The following DAZAP1 variants were observed in gnomAD, a reference collection of about 807,000 sequenced individuals.
DAZAP1 encodes the protein DAZ-associated protein 1.
In DAZAP1, 6 loss-of-function variants were observed where a neutral mutation model predicts 60.1. The ratio of observed to expected loss-of-function variants is 0.10; its 90% CI spans 0.05 to 0.20. The LOEUF is 0.20. DAZAP1 is among the 10% of genes least tolerant of loss of function. The pLI, the probability that DAZAP1 is intolerant of heterozygous loss-of-function variation, is 1.00. For missense variants in DAZAP1, 366 were observed against 560.4 expected, an observed-to-expected ratio of 0.65 and a Z score of 3.50; for synonymous variants, 235 against 215.9, an observed-to-expected ratio of 1.09 and a Z score of -0.78.
chr19:1,425,363 G>T lies in DAZAP1; in HGVS notation c.464-515G>T, dbSNP rs1333603695. ...GGGGAGAATCCTGGGTTTCAGAGAA[G>T]CATACACACATCCACGGTGCACACC... On this transcript the variant is annotated intron_variant, in intron 6 of 11. Transcript: ENST00000233078. This position sits in a 1 kb window ranked among gnomAD's most constrained non-coding sequence, Gnocchi z 5.4. 6.6e-6 allele frequency among the ~76,000 whole-genome samples: 1 copy of T among 152,222 alleles called. No homozygotes were observed. The highest frequency in any genetic ancestry group is 1.5e-5 in the Non-Finnish European group (1 of 68,036).
chr19:1,413,285 T>G (rs2082880585), intron 1 of DAZAP1, among the ~76,000 whole-genome samples: 2 of 152,232 alleles, frequency 1.3e-5, no homozygotes, highest in South Asian at 2.1e-4. Flanking sequence ...TTTACTTGTG[T>G]GAGAGTTGGT....
At position 1,422,538 on chromosome 19, in the gene DAZAP1, C is replaced by A. The variant is rs570295246; in HGVS notation, c.463+142C>A. ...ACGATTTGGAGACAAATGACTAAAA[C>A]GTGGGCTCCTCATGTGCACCCCATT... On this transcript the variant is annotated intron_variant, in intron 6 of 11. Transcript: ENST00000233078. This position sits in a 1 kb window ranked among gnomAD's most constrained non-coding sequence, Gnocchi z 4.5. 7 of 703,942 alleles carry A rather than the reference C, an allele frequency of 9.9e-6. No homozygotes were observed. The South Asian group carries it at 1.2e-4, about 12-fold the overall frequency. The allele number at this position is 703,942 out of a possible 1,614,324, so 43.6% of individuals were successfully genotyped here. A position where few individuals can be genotyped will look rare whatever the true frequency, so the allele number is the denominator to read the frequency against.
rs1420791582 is a variant in DAZAP1, at chr19:1,423,725, A to G, written c.463+1329A>G. Among the ~76,000 whole-genome samples, 1 of 152,220 alleles carries G rather than the reference A, an allele frequency of 6.6e-6. No individual in the cohort carries two copies. Among genetic ancestry groups the G allele is most frequent in the African/African-American group, 2.4e-5 (1 of 41,438 alleles). Reference sequence around the variant, plus strand: ...GTTTCATCACCGATGCTGTGTTCCAATACTGCCTCTGATCTTGGGAAACTT... The same window carrying G: ...GTTTCATCACCGATGCTGTGTTCCAGTACTGCCTCTGATCTTGGGAAACTT... On this transcript the variant is annotated intron_variant, in intron 6 of 11. Coordinates refer to ENST00000233078, the MANE Select transcript of DAZAP1 (RefSeq NM_018959.4). The surrounding 1 kb of genome is among the most constrained non-coding windows in gnomAD (Gnocchi z 6.8).
Position 1,432,912 on chromosome 19 carries a change from T to TA in DAZAP1, c.1048+223dup. On this transcript the variant is annotated intron_variant, in intron 11 of 11. Coordinates refer to ENST00000233078, the MANE Select transcript of DAZAP1 (RefSeq NM_018959.4). The surrounding 1 kb of genome is among the most constrained non-coding windows in gnomAD (Gnocchi z 4.9). ...TCTTGTCGCAGCAGAGCACTCGTCATACAGCAGGTGCTGCAGGGCCTGCAT... is the reference window on the plus strand; with the variant it reads ...TCTTGTCGCAGCAGAGCACTCGTCATAACAGCAGGTGCTGCAGGGCCTGCAT... The TA allele has an allele frequency of 5.3e-6, 3 of 565,502 alleles. No individual in the cohort carries two copies. Among genetic ancestry groups the TA allele is most frequent in the Non-Finnish European group, 6.2e-6 (2 of 321,826 alleles). 35.0% of individuals were successfully genotyped at this position (565,502 alleles called of 1,614,324 possible).
intron 4 of DAZAP1, among the ~76,000 whole-genome samples, chr19:1,419,131 G>T (rs2083073494): frequency 6.6e-6 from 1 of 152,202 alleles, no homozygotes; most frequent in Non-Finnish European, 1.5e-5. Flanking sequence ...CTCCACTTGA[G>T]ATCCCCTGAC....
In DAZAP1 at chr19:1,433,461, G is replaced by A. The variant is rs1021261962; in HGVS notation, c.1048+771G>A. On this transcript the variant is annotated intron_variant, in intron 11 of 11. Transcript: ENST00000233078. The surrounding 1 kb of genome is among the most constrained non-coding windows in gnomAD (Gnocchi z 6.1). Reference sequence around the variant, plus strand: ...GGGCTTCCGGGGTGCCTGTGAACACGCTTCCTCTAGGCCTGGTGGAGGCCG... The same window carrying A: ...GGGCTTCCGGGGTGCCTGTGAACACACTTCCTCTAGGCCTGGTGGAGGCCG... 4 of 468,368 alleles carry A rather than the reference G, an allele frequency of 8.5e-6. No homozygotes were observed. Among genetic ancestry groups the A allele is most frequent in the Non-Finnish European group, 1.6e-5 (4 of 257,636 alleles). The allele number at this position is 468,368 out of a possible 1,614,324, so 29.0% of individuals were successfully genotyped here. A position where few individuals can be genotyped will look rare whatever the true frequency, so the allele number is the denominator to read the frequency against.
Position 1,434,784 on chromosome 19 carries a change from C to T in DAZAP1, c.1096C>T (p.Pro366Ser), listed in dbSNP as rs1332109246. The T allele has an allele frequency of 1.2e-6, 2 of 1,612,986 alleles. No homozygotes were observed. Among genetic ancestry groups the T allele is most frequent in the East Asian group, 2.2e-5 (1 of 44,748 alleles). Residue 366 changes from proline (P) to serine (S), a missense_variant, in exon 12 of 12, where the codon CCC becomes TCC. Coordinates refer to ENST00000233078, the MANE Select transcript of DAZAP1 (RefSeq NM_018959.4). This position sits in a 1 kb window ranked among gnomAD's most constrained non-coding sequence, Gnocchi z 8.0. ...TGGCTTCGGACAGGGCTTCTCAGAC[C>T]CCAGCCAGCAGCCTCCTTCCTACGG... ...LSGFGQGFSD[P>S]SQQPPSYGGP... is the part of the protein sequence containing the mutation.
At position 1,418,989 on chromosome 19, in the gene DAZAP1, T is replaced by TCCCTCTGTG. The variant is rs2083069455; in HGVS notation, c.303+263_303+271dup. Among the ~76,000 whole-genome samples, 2 of 151,662 alleles carry TCCCTCTGTG rather than the reference T, an allele frequency of 1.3e-5. No homozygotes were observed. The highest frequency in any genetic ancestry group is 2.9e-5 in the Non-Finnish European group (2 of 67,914). On this transcript the variant is annotated intron_variant, in intron 4 of 11. Transcript: ENST00000233078. The surrounding 1 kb of genome is among the most constrained non-coding windows in gnomAD (Gnocchi z 5.7). ...ACTGATTATCAGGAGCCAGTCAGCT[T>TCCCTCTGTG]CCCTCTGTGCCCTGTGTGCCCTCTG...
intron 10 of DAZAP1, among the ~76,000 whole-genome samples, chr19:1,430,642 G>A (rs1159079940): frequency 6.6e-6 from 1 of 152,100 alleles, no homozygotes; most frequent in Non-Finnish European, 1.5e-5. Context: ...CTCCTCAGGA[G>A]ACAGAGCCTG....
At chr19:1,431,241 A>G (rs913704824) in intron 10 of DAZAP1, among the ~76,000 whole-genome samples, 12 of 145,572 alleles carry the variant, frequency 8.2e-5, no homozygotes, top group East Asian at 4.2e-4. Context: ...CCATTCTCCT[A>G]CCTCAGTCTC....
rs1249902268 is a variant in DAZAP1, at chr19:1,432,591, G to A, written c.949G>A (p.Gly317Arg). The change falls in exon 11 of 12, where the codon GGG becomes AGG. Residue 317 changes from glycine (G) to arginine (R), a missense_variant. By Grantham distance (125) the Gly-to-Arg change is moderately radical. Transcript: ENST00000233078. This position sits in a 1 kb window ranked among gnomAD's most constrained non-coding sequence, Gnocchi z 4.9. The part of the protein sequence containing the change: ...PGVPPPPATP[G>R]AAPLAFPPPP... Reference sequence around the variant, plus strand: ...GGTTCCTCCTCCACCAGCCACTCCCGGGGCAGCACCTCTGGCTTTCCCACC... The same window carrying A: ...GGTTCCTCCTCCACCAGCCACTCCCAGGGCAGCACCTCTGGCTTTCCCACC... 9 of 1,613,566 alleles carry A rather than the reference G, an allele frequency of 5.6e-6. No individual in the cohort carries two copies. The highest frequency in any genetic ancestry group is 2.7e-5 in the African/African-American group (2 of 74,880).
At position 1,418,413 on chromosome 19, in the gene DAZAP1, C is replaced by CTGT; in HGVS notation, c.237+44_237+46dup. 6.3e-7 allele frequency: 1 copy of CTGT among 1,599,906 alleles called. No homozygotes were observed. Among genetic ancestry groups the CTGT allele is most frequent in the Non-Finnish European group, 8.5e-7 (1 of 1,170,430 alleles). ...AGCTCACACCCGCTCTCTGTCTCCC[C>CTGT]TGTCCTTCCTCTGCTTCATTTTTTC... On this transcript the variant is annotated intron_variant, in intron 3 of 11. Coordinates refer to ENST00000233078, the MANE Select transcript of DAZAP1 (RefSeq NM_018959.4). This position sits in a 1 kb window ranked among gnomAD's most constrained non-coding sequence, Gnocchi z 5.7.
rs1205792833 is a variant in DAZAP1 at position 1,428,072 on chromosome 19, G to C, written c.547-770G>C. ...CGCCTAGAATAAGTAGGTCAGGCCT[G>C]CTCCATCCATTGTCCCCGGCCCCGC... On this transcript the variant is annotated intron_variant, in intron 7 of 11. Transcript: ENST00000233078. This position sits in a 1 kb window ranked among gnomAD's most constrained non-coding sequence, Gnocchi z 4.0. 2 of 152,194 alleles carry C rather than the reference G, an allele frequency of 1.3e-5. No homozygotes were observed. The highest frequency in any genetic ancestry group is 4.8e-5 in the African/African-American group (2 of 41,430). The allele number at this position is 152,194 out of a possible 1,614,324, so 9.4% of individuals were successfully genotyped here. A position where few individuals can be genotyped will look rare whatever the true frequency, so the allele number is the denominator to read the frequency against.
intron 1 of DAZAP1, among the ~76,000 whole-genome samples, chr19:1,413,152 A>G (rs1179444258): frequency 6.6e-6 from 1 of 152,186 alleles, no homozygotes; most frequent in East Asian, 1.9e-4. Flanking sequence ...CCGCCAGCCA[A>G]GGTGCAGGCT....
intron 9 of DAZAP1, 45 bp from the exon 10 acceptor site, chr19:1,430,172 CTGTGT>C: frequency 6.4e-7 from 1 of 1,566,596 alleles, no homozygotes. Flanking sequence ...TGTGGCCAGT[CTGTGT>C]TGTCCAGCGC....
chr19:1,413,393 G>C (rs2144723514), intron 1 of DAZAP1, among the ~76,000 whole-genome samples: 1 of 152,400 alleles, frequency 6.6e-6, no homozygotes, highest in South Asian at 2.1e-4. Context: ...GACCTGGTGA[G>C]GTTGGCAGCC....
intron 10 of DAZAP1, 50 bp downstream of exon 10, chr19:1,430,412 C>A: frequency 6.9e-7 from 1 of 1,446,420 alleles, no homozygotes; most frequent in Non-Finnish European, 9.1e-7. Context: ...TCCGGAGATG[C>A]CAGGTGGTGG....
At chr19:1,431,596 A>G (rs1367958149) in intron 10 of DAZAP1, among the ~76,000 whole-genome samples, 5 of 152,024 alleles carry the variant, frequency 3.3e-5, no homozygotes, top group African/African-American at 1.2e-4. Flanking sequence ...CGCCCGGCTA[A>G]TTTTGTATTT....
rs1183903155 is a variant in DAZAP1, at chr19:1,422,947, T to G, written c.463+551T>G. Among the ~76,000 whole-genome samples the G allele has an allele frequency of 6.6e-6, 1 of 152,104 alleles. No homozygotes were observed. The highest frequency in any genetic ancestry group is 1.5e-5 in the Non-Finnish European group (1 of 68,010). On this transcript the variant is annotated intron_variant, in intron 6 of 11. Transcript: ENST00000233078. The surrounding 1 kb of genome is among the most constrained non-coding windows in gnomAD (Gnocchi z 4.5). Reference sequence around the variant, plus strand: ...CCTCAGGGCCTCCCCTCATTTTCCCTCAGCTTCTTGCACACCCATCCATGC... The same window carrying G: ...CCTCAGGGCCTCCCCTCATTTTCCCGCAGCTTCTTGCACACCCATCCATGC...
Sources: gnomAD v4.1 joint callset for allele counts (sites outside exome capture counted in the v4.1 genomes callset) on GRCh38, gnomAD v4.1.1 for gene constraint, Gnocchi (gnomAD v3.1) non-coding constraint, MANE v1.5 for transcripts, NCBI Gene and HGNC (gene_info 2026-07-23, HGNC 2026-07-21) for gene names.